The following NPTX2 variants were observed in gnomAD, a reference collection of about 807,000 sequenced individuals.
NPTX2 encodes the protein neuronal pentraxin-2.
Under a neutral mutation model 38.1 loss-of-function variants are expected in NPTX2, and 23 were observed. The observed-to-expected ratio is 0.60, with a 90% confidence interval of 0.43 to 0.85. The LOEUF is 0.85. Among genes scored for constraint, NPTX2 ranks in the 40% least tolerant of loss-of-function variants. The pLI is 0.00. For missense variants in NPTX2, 553 were observed against 615.3 expected, an observed-to-expected ratio of 0.90 and a Z score of 1.07; for synonymous variants, 291 against 287.3, an observed-to-expected ratio of 1.01 and a Z score of -0.13.
At chr7:98,621,380 T>C (rs993821591) in intron 2 of NPTX2, among the ~76,000 whole-genome samples, 1 of 152,178 alleles carries the variant, frequency 6.6e-6, no homozygotes, top group African/African-American at 2.4e-5. Context: ...TGGCCATTTA[T>C]GCACCCCAGA....
chr7:98,620,152 T>C (rs1374944339), intron 2 of NPTX2: 1 of 445,176 alleles, frequency 2.2e-6, no homozygotes, highest in African/African-American at 2.0e-5. Context: ...TCTGTGTATC[T>C]TTCTCTTCTC....
rs1438064542 is a variant in NPTX2 at position 98,628,352 on chromosome 7, G to A, written c.1069-50G>A. ...TCTCCTGTCTGCAGCCCGTGTGCAG[G>A]GGGACTTGTGAACCAGCCCTGACGC... On this transcript the variant is annotated intron_variant, in intron 4 of 4. Coordinates refer to ENST00000265634, the MANE Select transcript of NPTX2 (RefSeq NM_002523.3). 1.1e-5 allele frequency: 9 copies of A among 856,718 alleles called. No individual in the cohort carries two copies. The East Asian group carries it at 2.3e-4, about 22-fold the overall frequency. The allele number at this position is 856,718 out of a possible 1,614,324, so 53.1% of individuals were successfully genotyped here. A position where few individuals can be genotyped will look rare whatever the true frequency, so the allele number is the denominator to read the frequency against.
At position 98,629,475 on chromosome 7, in the gene NPTX2, T is replaced by G. The variant is rs189354978; in HGVS notation, c.*846T>G. The G allele has an allele frequency of 1.3e-5, 2 of 152,610 alleles. No individual in the cohort carries two copies. Among genetic ancestry groups the G allele is most frequent in the Admixed American group, 1.3e-4 (2 of 15,288 alleles). The allele number at this position is 152,610 out of a possible 1,614,324, so 9.5% of individuals were successfully genotyped here. On this transcript the variant is annotated 3_prime_UTR_variant, in exon 5 of 5. Coordinates refer to ENST00000265634, the MANE Select transcript of NPTX2 (RefSeq NM_002523.3). ...TTTCCCAACAGAAAAGAACAGCCAT[T>G]AGAAGAAGGCTCCCATTTTCTGATG...
chr7:98,619,744 G>A lies in NPTX2; in HGVS notation c.528G>A (p.Lys176=). 6.2e-7 allele frequency: 1 copy of A among 1,613,386 alleles called. No individual in the cohort carries two copies. Among genetic ancestry groups the A allele is most frequent in the South Asian group, 1.1e-5 (1 of 91,078 alleles). Residue 176 remains lysine, a synonymous_variant, in exon 2 of 5, where the codon AAG becomes AAA. Transcript: ENST00000265634. ...AGCTGGAGAGGCAGCTTCTGCGCAA[G>A]GTGGCAGAGCTGGAGGACGAGAAGT... is the stretch of plus-strand genomic sequence containing the variant. The part of the protein sequence containing the change: ...LGELERQLLR[K]VAELEDEKSL...
rs903351849 is a variant in NPTX2, at chr7:98,617,730, A to G, written c.269A>G (p.Lys90Arg). 4 of 1,430,550 alleles carry G rather than the reference A, an allele frequency of 2.8e-6. No individual in the cohort carries two copies. Among genetic ancestry groups the G allele is most frequent in the Non-Finnish European group, 2.7e-6 (3 of 1,104,386 alleles). The allele number at this position is 1,430,550 out of a possible 1,614,324, so 88.6% of individuals were successfully genotyped here. A position where few individuals can be genotyped will look rare whatever the true frequency, so the allele number is the denominator to read the frequency against. The change falls in exon 1 of 5, where the codon AAG (lysine) becomes AGG (arginine). Residue 90 changes from lysine (K) to arginine (R), a missense_variant. Lys to Arg is a conservative substitution (Grantham distance 26, BLOSUM62 2). Transcript: ENST00000265634. ...QREAIRELTG[K>R]LARCEGLAGG... The stretch of plus-strand genomic sequence containing the variant: ...GAGGCCATCCGCGAGCTCACGGGCA[A>G]GCTAGCGCGCTGCGAGGGGCTGGCG...
In NPTX2 at chr7:98,629,512, T is replaced by C. The variant is rs2115642162; in HGVS notation, c.*883T>C. On this transcript the variant is annotated 3_prime_UTR_variant, in exon 5 of 5. Coordinates refer to ENST00000265634, the MANE Select transcript of NPTX2 (RefSeq NM_002523.3). ...CCCATTTTCTGATGTTCCGCCCCAC[T>C]GTGAAGAGTGTGCTCGTTTTAAATT... The C allele has an allele frequency of 6.6e-6, 1 of 152,546 alleles. No homozygotes were observed. The highest frequency in any genetic ancestry group is 2.1e-4 in the South Asian group (1 of 4,802). The allele number at this position is 152,546 out of a possible 1,614,324, so 9.4% of individuals were successfully genotyped here.
At chr7:98,626,016 T>C (rs1791341327) in intron 3 of NPTX2, among the ~76,000 whole-genome samples, 1 of 151,788 alleles carries the variant, frequency 6.6e-6, no homozygotes, top group Admixed American at 6.6e-5. Flanking sequence ...TGTGGTGGTG[T>C]GCACCTGTAG....
chr7:98,623,809 G>T (rs1020291110), intron 2 of NPTX2, among the ~76,000 whole-genome samples: 5 of 152,156 alleles, frequency 3.3e-5, no homozygotes, highest in African/African-American at 1.2e-4. Context: ...AAGTCTCCAG[G>T]GTTCCTAGAT....
At chr7:98,626,775 G>C (rs1791357681) in intron 3 of NPTX2, among the ~76,000 whole-genome samples, 1 of 152,164 alleles carries the variant, frequency 6.6e-6, no homozygotes, top group Non-Finnish European at 1.5e-5. Flanking sequence ...GCAGCACACA[G>C]ATCCCTGCGT....
At chr7:98,618,365 G>C (rs1791210582) in intron 1 of NPTX2, among the ~76,000 whole-genome samples, 1 of 152,142 alleles carries the variant, frequency 6.6e-6, no homozygotes, top group African/African-American at 2.4e-5. Flanking sequence ...AATCAGGTCA[G>C]GCTGAGCTAG....
At chr7:98,625,426 A>T (rs982817571) in intron 3 of NPTX2, among the ~76,000 whole-genome samples, 2 of 152,178 alleles carry the variant, frequency 1.3e-5, no homozygotes, top group African/African-American at 4.8e-5. Context: ...GGAAGGGCAG[A>T]AGGAACAGAT....
In NPTX2 at chr7:98,628,968, C is replaced by T; in HGVS notation, c.*339C>T. ...TGTAAATGCTATCGCAGCCTGAGTC[C>T]TGCCGCCTTCCAGTTCCTTGGTGTC... is the stretch of plus-strand genomic sequence containing the variant. On this transcript the variant is annotated 3_prime_UTR_variant, in exon 5 of 5. Transcript: ENST00000265634. 4.5e-6 allele frequency: 1 copy of T among 222,328 alleles called. No individual in the cohort carries two copies. Among genetic ancestry groups the T allele is most frequent in the Non-Finnish European group, 8.8e-6 (1 of 113,144 alleles). The allele number at this position is 222,328 out of a possible 1,614,324, so 13.8% of individuals were successfully genotyped here.
Position 98,617,667 on chromosome 7 carries a change from C to G in NPTX2, c.206C>G (p.Thr69Ser). 1 of 1,479,344 alleles carries G rather than the reference C, an allele frequency of 6.8e-7. No homozygotes were observed. The highest frequency in any genetic ancestry group is 8.9e-7 in the Non-Finnish European group (1 of 1,123,934). The allele number at this position is 1,479,344 out of a possible 1,614,324, so 91.6% of individuals were successfully genotyped here. The part of the protein sequence containing the change: ...LRAAVLQLRE[T>S]VVQQKETLGA... ...GCCGCGGTGCTGCAGCTGCGCGAGA[C>G]CGTCGTGCAGCAGAAGGAGACGCTG... Residue 69 changes from threonine (T) to serine (S), a missense_variant, in exon 1 of 5, where the codon ACC becomes AGC. Transcript: ENST00000265634.
intron 3 of NPTX2, among the ~76,000 whole-genome samples, chr7:98,625,414 A>G (rs1486509966): frequency 6.6e-6 from 1 of 152,180 alleles, no homozygotes; most frequent in Non-Finnish European, 1.5e-5. Context: ...CACCTAGGCC[A>G]TGGAAGGGCA....
intron 4 of NPTX2, 110 bp downstream of exon 4, chr7:98,627,454 G>C: frequency 1.2e-6 from 1 of 856,710 alleles, no homozygotes. Flanking sequence ...AGCAGCACGA[G>C]GCCAGGCCTG....
At position 98,628,697 on chromosome 7, in the gene NPTX2, C is replaced by G. The variant is rs1791394553; in HGVS notation, c.*68C>G. 5 of 704,934 alleles carry G rather than the reference C, an allele frequency of 7.1e-6. No individual in the cohort carries two copies. Among genetic ancestry groups the G allele is most frequent in the Middle Eastern group, 2.5e-4 (1 of 4,060 alleles). The allele number at this position is 704,934 out of a possible 1,614,324, so 43.7% of individuals were successfully genotyped here. ...CATGGAAGTTCAGGGCCATAGACTG[C>G]CCCACTTAAACTCTTGTCAGTCTGG... On this transcript the variant is annotated 3_prime_UTR_variant, in exon 5 of 5. Transcript: ENST00000265634.
chr7:98,620,053 C>G (rs1409405783), intron 2 of NPTX2, 194 bp downstream of exon 2: 2 of 610,822 alleles, frequency 3.3e-6, no homozygotes, highest in East Asian at 2.8e-5. Flanking sequence ...CTGGCATTAT[C>G]CAGGGAAAAG....
chr7:98,619,541 G>T, intron 1 of NPTX2, 102 bp from the exon 2 acceptor site: 1 of 975,592 alleles, frequency 1.0e-6, no homozygotes. Flanking sequence ...CAGGGCTTGC[G>T]TTTTGGAAGC....
Position 98,617,901 on chromosome 7 carries a change from G to A in NPTX2, c.426+14G>A, listed in dbSNP as rs201546743. The A allele has an allele frequency of 2.6e-4, 397 of 1,541,206 alleles. 1 individual carries two copies. The East Asian group carries it at 4.4e-3, about 17-fold the overall frequency. ...GAGAGCCTCGAGGTAGCGGCCCGCG[G>A]GGAGCGCGGGGGACCTGGAATGGGG... On this transcript the variant is annotated intron_variant, in intron 1 of 4. Coordinates refer to ENST00000265634, the MANE Select transcript of NPTX2 (RefSeq NM_002523.3).
Sources: allele counts gnomAD v4.1 joint callset (sites outside exome capture counted in the v4.1 genomes callset), GRCh38; gene constraint gnomAD v4.1.1; transcripts MANE v1.5; gene names NCBI Gene and HGNC (gene_info 2026-07-23, HGNC 2026-07-21).